The following CDC42BPA variants were observed in gnomAD, a reference collection of about 807,000 sequenced individuals.
CDC42BPA encodes CDC42 binding protein kinase alpha, also known as serine/threonine-protein kinase MRCK alpha.
Under a neutral mutation model 223.5 loss-of-function variants are expected in CDC42BPA, and 80 were observed. The ratio of observed to expected loss-of-function variants is 0.36; its 90% confidence interval spans 0.30 to 0.43. The LOEUF (loss-of-function observed/expected upper bound fraction) is 0.43, where lower values mean the gene tolerates loss of function less well. CDC42BPA is among the 20% of genes least tolerant of loss of function. The probability of loss-of-function intolerance (pLI) is 1.00; values close to 1 mark genes in which losing one functional copy is unlikely to be tolerated. For synonymous variants in CDC42BPA, 694 were observed against 718.6 expected (o/e 0.97, Z 0.55); for missense variants, 1,743 against 2,099.9 (o/e 0.83, Z 3.32).
chr1:227,316,839 G>A (rs925267382), intron 1 of CDC42BPA, among the ~76,000 whole-genome samples, 166 bp downstream of exon 1: 3 of 152,050 alleles, frequency 2.0e-5, no homozygotes, highest in Admixed American at 6.5e-5. Context: ...TCTACTCCTG[G>A]GAAAATATTT....
In CDC42BPA at chr1:227,175,529, G is replaced by A. The variant is rs143616278; in HGVS notation, c.600-14893C>T. ...ACTACCAAGTAATCATTCATTACAT[G>A]TACTGTTCATATTTTCAGTTCATCT... On this transcript the variant is annotated intron_variant, in intron 5 of 36. Transcript: ENST00000366766. Among the ~76,000 whole-genome samples the A allele has an allele frequency of 7.0e-3, 1,061 of 152,110 alleles. 5 individuals are homozygous for A. The highest frequency in any genetic ancestry group is 8.7e-3 in the Non-Finnish European group (593 of 67,986).
At chr1:227,181,079 A>G (rs867632230) in intron 5 of CDC42BPA, among the ~76,000 whole-genome samples, 1 of 152,220 alleles carries the variant, frequency 6.6e-6, no homozygotes, top group Non-Finnish European at 1.5e-5. Flanking sequence ...GAAAGGGTAC[A>G]CCCTTAAAAT....
chr1:226,992,764 A>C lies in CDC42BPA; in HGVS notation c.*1504T>G, dbSNP rs1422667296. 1 of 152,152 alleles carries C rather than the reference A, an allele frequency of 6.6e-6. No individual in the cohort carries two copies. Among genetic ancestry groups the C allele is most frequent in the East Asian group, 1.9e-4 (1 of 5,200 alleles). 9.4% of individuals were successfully genotyped at this position (152,152 alleles called of 1,614,324 possible). ...TTTATTTTTATCTCTTTCTCTACTC[A>C]TGTGCTTAACTGGTGAAATGATTCT... On this transcript the variant is annotated 3_prime_UTR_variant, in exon 37 of 37. Transcript: ENST00000366766.
At chr1:227,217,088 G>C (rs542674680) in intron 2 of CDC42BPA, among the ~76,000 whole-genome samples, 2 of 152,046 alleles carry the variant, frequency 1.3e-5, no homozygotes, top group African/African-American at 4.8e-5. Flanking sequence ...CAGTTGCCAC[G>C]GAGTTCTATA....
chr1:227,013,126 C>T (rs1243749990), intron 34 of CDC42BPA, among the ~76,000 whole-genome samples: 2 of 152,002 alleles, frequency 1.3e-5, no homozygotes, highest in East Asian at 3.9e-4. Context: ...AACTTCTTGT[C>T]CTGGAAATAC....
At chr1:227,248,082 T>C (rs944192678) in intron 2 of CDC42BPA, among the ~76,000 whole-genome samples, 8 of 151,860 alleles carry the variant, frequency 5.3e-5, no homozygotes, top group Non-Finnish European at 1.2e-4. Flanking sequence ...GAATGAAGCA[T>C]GTATAAGATC....
At chr1:226,997,144 G>A (rs1016082195) in intron 35 of CDC42BPA, among the ~76,000 whole-genome samples, 1 of 152,106 alleles carries the variant, frequency 6.6e-6, no homozygotes, top group African/African-American at 2.4e-5. Context: ...ACTTGTTATT[G>A]GTATATTCAG....
intron 2 of CDC42BPA, among the ~76,000 whole-genome samples, chr1:227,243,774 A>T (rs933443292): frequency 6.6e-6 from 1 of 151,642 alleles, no homozygotes; most frequent in African/African-American, 2.4e-5. Context: ...ACACACACAC[A>T]CACACACACA....
chr1:227,248,934 A>G (rs1681479094), intron 2 of CDC42BPA, among the ~76,000 whole-genome samples: 1 of 152,168 alleles, frequency 6.6e-6, no homozygotes, highest in East Asian at 1.9e-4. Context: ...AGAAAAAATA[A>G]TCCTAAAATT....
intron 16 of CDC42BPA, among the ~76,000 whole-genome samples, chr1:227,084,158 C>T (rs189768357): frequency 3.8e-4 from 58 of 152,274 alleles, no homozygotes; most frequent in African/African-American, 1.4e-3. Flanking sequence ...AGCTTTATAG[C>T]TCTTCTTGGT....
At chr1:227,203,252 C>T (rs1160880750) in intron 3 of CDC42BPA, among the ~76,000 whole-genome samples, 3 of 152,162 alleles carry the variant, frequency 2.0e-5, no homozygotes, top group African/African-American at 7.2e-5. Flanking sequence ...GCACAGGCTA[C>T]GTTTTTGCTT....
At chr1:227,159,247 G>C (rs1663395042) in intron 6 of CDC42BPA, among the ~76,000 whole-genome samples, 1 of 152,200 alleles carries the variant, frequency 6.6e-6, no homozygotes, top group Non-Finnish European at 1.5e-5. Context: ...AGCACTTTGG[G>C]AGGCCGAGGT....
At chr1:227,067,598 TAG>T (rs774355927) in intron 21 of CDC42BPA, among the ~76,000 whole-genome samples, 3 of 152,158 alleles carry the variant, frequency 2.0e-5, no homozygotes, top group Non-Finnish European at 2.9e-5. Context: ...TATCACACTA[TAG>T]AGTTAACCAG....
intron 1 of CDC42BPA, among the ~76,000 whole-genome samples, chr1:227,287,043 T>C (rs961321249): frequency 1.3e-5 from 2 of 152,166 alleles, no homozygotes; most frequent in African/African-American, 4.8e-5. Flanking sequence ...TATCTCCCAC[T>C]AGACCCCACC....
At chr1:227,000,287 A>G (rs1245936492) in intron 35 of CDC42BPA, among the ~76,000 whole-genome samples, 2 of 152,106 alleles carry the variant, frequency 1.3e-5, no homozygotes, top group Non-Finnish European at 2.9e-5. Flanking sequence ...CTTGGGAAAT[A>G]TACTCTTTAC....
intron 1 of CDC42BPA, among the ~76,000 whole-genome samples, chr1:227,295,927 A>T (rs1279670244): frequency 6.6e-6 from 1 of 152,262 alleles, no homozygotes; most frequent in Non-Finnish European, 1.5e-5. Flanking sequence ...CTAACTGGAA[A>T]TAAAGCTAGA....
At chr1:227,297,407 T>C (rs922637786) in intron 1 of CDC42BPA, among the ~76,000 whole-genome samples, 2 of 151,332 alleles carry the variant, frequency 1.3e-5, no homozygotes, top group African/African-American at 4.8e-5. Flanking sequence ...ATAGAATTAC[T>C]ATATGACCCA....
At chr1:227,045,882 C>A (rs1381022434) in intron 23 of CDC42BPA, among the ~76,000 whole-genome samples, 1 of 152,154 alleles carries the variant, frequency 6.6e-6, no homozygotes, top group Non-Finnish European at 1.5e-5. Context: ...TCTCAGCTCA[C>A]TGCAGCCTTG....
intron 1 of CDC42BPA, among the ~76,000 whole-genome samples, chr1:227,305,915 A>G (rs959823432): frequency 6.6e-5 from 10 of 152,144 alleles, no homozygotes; most frequent in African/African-American, 2.2e-4. Context: ...GCAGTGAGCC[A>G]AGATCGTGCC....
Sources: allele counts gnomAD v4.1 joint callset (sites outside exome capture counted in the v4.1 genomes callset), GRCh38; gene constraint gnomAD v4.1.1; transcripts MANE v1.5; gene names NCBI Gene and HGNC (gene_info 2026-07-23, HGNC 2026-07-21).